Variants in ELMO1 observed in about 807,000 individuals in gnomAD.
The protein encoded by ELMO1 is engulfment and cell motility protein 1.
A neutral mutation model predicts 98.9 loss-of-function variants in ELMO1; 26 were observed. That is an observed-to-expected ratio of 0.26 (90% CI 0.19 to 0.36). The LOEUF is 0.36. ELMO1 is among the 10% of genes least tolerant of loss of function. The pLI is 1.00. For missense variants in ELMO1, 627 were observed against 935.2 expected (o/e 0.67, Z 4.30); for synonymous variants, 346 against 346.0 (o/e 1.00, Z 0.00).
At chr7:37,262,628 C>T (rs1425930449) in intron 5 of ELMO1, among the ~76,000 whole-genome samples, 1 of 152,178 alleles carries the variant, frequency 6.6e-6, no homozygotes, top group African/African-American at 2.4e-5. Flanking sequence ...GCAGTTCCCA[C>T]AGTGTTTGCT....
At position 36,853,228 on chromosome 7, in the gene ELMO1, TG is replaced by T. The variant is rs1205058328; in HGVS notation, c.*2322del. Among the ~76,000 whole-genome samples, 2 of 152,162 alleles carry T rather than the reference TG, an allele frequency of 1.3e-5. No homozygotes were observed. Among genetic ancestry groups the T allele is most frequent in the East Asian group, 3.8e-4 (2 of 5,196 alleles). On this transcript the variant is annotated 3_prime_UTR_variant, in exon 22 of 22. Coordinates refer to ENST00000310758, the MANE Select transcript of ELMO1 (RefSeq NM_014800.11). ...TCCAAAGGAGGGTCTAGGGAGGAGC[TG>T]GAGAATGCTGCCTTTCATAGTCCTG...
chr7:37,341,658 C>T lies in ELMO1; in HGVS notation c.78+955G>A, dbSNP rs567550264. On this transcript the variant is annotated intron_variant, in intron 2 of 21. Coordinates refer to ENST00000310758, the MANE Select transcript of ELMO1 (RefSeq NM_014800.11). ...TGATTCCTTTGGATTCGCACAATTC[C>T]ATATAACTCTCGCATTGATCTGCCA... 3.9e-5 allele frequency among the ~76,000 whole-genome samples: 6 copies of T among 152,266 alleles called. 2 individuals are homozygous for T. The highest frequency in any genetic ancestry group is 3.9e-4 in the Admixed American group (6 of 15,296).
intron 20 of ELMO1, among the ~76,000 whole-genome samples, chr7:36,863,795 C>T (rs181916371): frequency 3.5e-4 from 53 of 152,206 alleles, no homozygotes; most frequent in South Asian, 1.7e-3. Flanking sequence ...GGTGATAGGT[C>T]ATAGGTCATT....
At chr7:36,997,398 G>T (rs141813143) in intron 16 of ELMO1, among the ~76,000 whole-genome samples, 14 of 152,314 alleles carry the variant, frequency 9.2e-5, no homozygotes, top group African/African-American at 2.6e-4. Context: ...GACTGGGGCT[G>T]AGATAATGGT....
At chr7:37,360,746 G>A (rs138036476) in intron 1 of ELMO1, among the ~76,000 whole-genome samples, 1 of 152,264 alleles carries the variant, frequency 6.6e-6, no homozygotes, top group East Asian at 1.9e-4. Context: ...ATTGCGCTCT[G>A]CCCCCTTATC....
intron 16 of ELMO1, among the ~76,000 whole-genome samples, chr7:36,933,490 CA>C (rs1390095104): frequency 6.6e-6 from 1 of 152,174 alleles, no homozygotes; most frequent in African/African-American, 2.4e-5. Flanking sequence ...ATCACAATTG[CA>C]TAAGAAGCAC....
At chr7:37,213,543 T>C (rs1032807353) in intron 11 of ELMO1, 86 bp from the exon 12 acceptor site, 12 of 1,292,530 alleles carry the variant, frequency 9.3e-6, no homozygotes, top group Admixed American at 2.1e-5. Flanking sequence ...GCTCTCACAG[T>C]CTTCACTGGG....
chr7:36,877,732 C>A (rs892339237), intron 19 of ELMO1, among the ~76,000 whole-genome samples: 1 of 152,166 alleles, frequency 6.6e-6, no homozygotes, highest in Non-Finnish European at 1.5e-5. Context: ...TGACACAGCA[C>A]CTGGATAAAT....
At chr7:37,134,642 A>T (rs1168942686) in intron 13 of ELMO1, among the ~76,000 whole-genome samples, 1 of 152,186 alleles carries the variant, frequency 6.6e-6, no homozygotes. Context: ...TCACAATAGC[A>T]AAGATATAGA....
chr7:37,166,775 G>C (rs898192082), intron 13 of ELMO1, among the ~76,000 whole-genome samples: 2 of 152,120 alleles, frequency 1.3e-5, no homozygotes, highest in Admixed American at 6.6e-5. Context: ...GTCAATTTTG[G>C]AATAGGTGTG....
At chr7:37,329,986 TA>T (rs954704222) in intron 2 of ELMO1, among the ~76,000 whole-genome samples, 2 of 152,212 alleles carry the variant, frequency 1.3e-5, no homozygotes, top group African/African-American at 4.8e-5. Context: ...TGGCACCTTC[TA>T]AAAGTACAAC....
intron 16 of ELMO1, among the ~76,000 whole-genome samples, chr7:36,952,487 T>C (rs1288579140): frequency 6.6e-6 from 1 of 152,188 alleles, no homozygotes; most frequent in Admixed American, 6.5e-5. Context: ...AAGTGATTAA[T>C]GCCCAGCACA....
chr7:37,181,181 GA>G (rs542756474), intron 13 of ELMO1, among the ~76,000 whole-genome samples: 118 of 152,222 alleles, frequency 7.8e-4, no homozygotes, highest in Admixed American at 1.4e-3. Context: ...TCAAAATGGG[GA>G]CAAGTGAGAG....
At chr7:37,372,375 A>T (rs982015909) in intron 1 of ELMO1, among the ~76,000 whole-genome samples, 14 of 152,208 alleles carry the variant, frequency 9.2e-5, no homozygotes, top group African/African-American at 3.4e-4. Flanking sequence ...CAGTTTCCCC[A>T]TTTGTAAAAT....
chr7:37,033,551 T>C (rs2129187641), intron 15 of ELMO1: 1 of 374,474 alleles, frequency 2.7e-6, no homozygotes, highest in Non-Finnish European at 5.3e-6. Context: ...CAAGCCAGCA[T>C]TCCAATGTCA....
intron 6 of ELMO1, among the ~76,000 whole-genome samples, chr7:37,246,773 C>CAGATAGATAGAT (rs543282035): frequency 7.2e-5 from 11 of 151,756 alleles, no homozygotes; most frequent in East Asian, 1.9e-4. Context: ...GATGGAGAGA[C>CAGATAGATAGAT]AGATAGATAG....
chr7:37,374,317 A>G (rs1217841358), intron 1 of ELMO1, among the ~76,000 whole-genome samples: 1 of 152,102 alleles, frequency 6.6e-6, no homozygotes, highest in Non-Finnish European at 1.5e-5. Context: ...GTGTCTAACT[A>G]TATTAGCATC....
chr7:36,893,529 C>A (rs1387220637), intron 17 of ELMO1, among the ~76,000 whole-genome samples: 1 of 152,196 alleles, frequency 6.6e-6, no homozygotes, highest in Non-Finnish European at 1.5e-5. Context: ...GGGTTCTACT[C>A]CACAGTTTCC....
At chr7:36,888,598 T>C (rs1388894045) in intron 17 of ELMO1, among the ~76,000 whole-genome samples, 1 of 152,200 alleles carries the variant, frequency 6.6e-6, no homozygotes, top group Non-Finnish European at 1.5e-5. Flanking sequence ...ATCTATAAAA[T>C]GGGAATAAGA....
Sources: gnomAD v4.1 joint callset for allele counts (sites outside exome capture counted in the v4.1 genomes callset) on GRCh38, gnomAD v4.1.1 for gene constraint, MANE v1.5 for transcripts, NCBI Gene and HGNC (gene_info 2026-07-23, HGNC 2026-07-21) for gene names.